Variants in GK observed in about 807,000 individuals in gnomAD.
GK encodes glycerol kinase.
GK carries 9 observed loss-of-function variants against 56.4 expected under a neutral mutation model. The ratio of observed to expected loss-of-function variants is 0.16; its 90% CI spans 0.10 to 0.28. The LOEUF is 0.28. Ranked by LOEUF, GK falls within the 10% of genes least tolerant of loss-of-function variation. GK has a pLI of 1.00. For synonymous variants in GK, 104 were observed against 144.1 expected, an observed-to-expected ratio of 0.72 and a Z score of 1.99; for missense variants, 161 against 431.4, an observed-to-expected ratio of 0.37 and a Z score of 5.55.
chrX:30,668,855 G>T (rs778342258), intron 3 of GK, among the ~76,000 whole-genome samples: 2 of 111,370 alleles, frequency 1.8e-5, no homozygotes, highest in South Asian at 7.6e-4. Context: ...GGCTGCTATG[G>T]AAGTCCTGAG....
At chrX:30,687,873 T>C (rs1202669196) in intron 4 of GK, among the ~76,000 whole-genome samples, 2 of 112,244 alleles carry the variant, frequency 1.8e-5, no homozygotes, top group Non-Finnish European at 3.8e-5. Context: ...ATTTTGAGCA[T>C]TTGTGAATTG....
intron 19 of GK, among the ~76,000 whole-genome samples, chrX:30,727,258 A>G (rs746507282): frequency 8.9e-6 from 1 of 112,709 alleles, no homozygotes; most frequent in East Asian, 2.8e-4. Flanking sequence ...GTGGCATGCT[A>G]TCTGTATTGT....
At chrX:30,722,706 A>C (rs1258887585) in intron 18 of GK, among the ~76,000 whole-genome samples, 1 of 112,009 alleles carries the variant, frequency 8.9e-6, no homozygotes, top group Non-Finnish European at 1.9e-5. Flanking sequence ...TTTGCCCTTC[A>C]GAAGATTAGA....
intron 10 of GK, 80 bp from the exon 11 acceptor site, chrX:30,700,758 A>AG: frequency 1.7e-6 from 1 of 587,889 alleles, no homozygotes; most frequent in Non-Finnish European, 2.6e-6. Flanking sequence ...ATAAAAAATG[A>AG]AAAATCCTAT....
At position 30,715,082 on chromosome X, in the gene GK, A is replaced by G. The variant is rs62588594; in HGVS notation, c.976-3456A>G. On this transcript the variant is annotated intron_variant, in intron 13 of 20. Coordinates refer to ENST00000427190, the MANE Select transcript of GK (RefSeq NM_001205019.2). ...TAGTATACACAAAACTGTGTTTGCT[A>G]TGCCTGATGAATGATTGTAAGCAAT... 7.1e-3 allele frequency among the ~76,000 whole-genome samples: 798 copies of G among 112,100 alleles called. 3 individuals carry two copies. The highest frequency in any genetic ancestry group is 0.019 in the Middle Eastern group (4 of 214).
chrX:30,667,193 A>G (rs1175239725), intron 2 of GK, among the ~76,000 whole-genome samples: 3 of 111,742 alleles, frequency 2.7e-5, no homozygotes, highest in Admixed American at 9.5e-5. Flanking sequence ...AAAATTAGTT[A>G]GAGACAGAAT....
At chrX:30,696,511 C>A in intron 7 of GK, 106 bp from the exon 8 acceptor site, 1 of 593,973 alleles carries the variant, frequency 1.7e-6, no homozygotes, top group Non-Finnish European at 2.8e-6. Flanking sequence ...TGCTCAAAAA[C>A]ATCCATTTCT....
At chrX:30,664,702 CTTTT>C (rs35313243) in intron 1 of GK, among the ~76,000 whole-genome samples, 2 of 57,675 alleles carry the variant, frequency 3.5e-5, no homozygotes, top group Non-Finnish European at 6.1e-5. Context: ...ACTCTATTGC[CTTTT>C]TTTTTTTTTT....
At position 30,718,437 on chromosome X, in the gene GK, T is replaced by C. The variant is rs1936735695; in HGVS notation, c.976-101T>C. 4 of 557,924 alleles carry C rather than the reference T, an allele frequency of 7.2e-6. No individual in the cohort carries two copies. In the East Asian group the frequency reaches 1.4e-4, roughly 20 times the overall value. 46.0% of individuals were successfully genotyped at this position (557,924 alleles called of 1,213,427 possible). On this transcript the variant is annotated intron_variant, in intron 13 of 20. Transcript: ENST00000427190. Reference sequence around the variant, plus strand: ...TTTGTCGGAGTCTCAAAATGGAAACTGAATTCTGTCCATCTGATTGTGTCA... The same window carrying C: ...TTTGTCGGAGTCTCAAAATGGAAACCGAATTCTGTCCATCTGATTGTGTCA...
chrX:30,724,695 T>G (rs1023723520), intron 19 of GK: 1 of 262,235 alleles, frequency 3.8e-6, no homozygotes, highest in South Asian at 4.0e-5. Flanking sequence ...TATAAATAGA[T>G]TGGGAAGTGC....
chrX:30,721,445 C>A lies in GK; in HGVS notation c.1501+450C>A, dbSNP rs1936898976. On this transcript the variant is annotated intron_variant, in intron 18 of 20. Transcript: ENST00000427190. Reference sequence around the variant, plus strand: ...TAGCTGGGACAACAGGTGCCCACCACTACGCCCGCCTAATTTTTTTTTTTT... The same window carrying A: ...TAGCTGGGACAACAGGTGCCCACCAATACGCCCGCCTAATTTTTTTTTTTT... 4 of 113,999 alleles carry A rather than the reference C, an allele frequency of 3.5e-5. No individual in the cohort carries two copies. In the South Asian group the frequency reaches 8.7e-4, roughly 25 times the overall value. The allele number at this position is 113,999 out of a possible 1,213,427, so 9.4% of individuals were successfully genotyped here.
At chrX:30,708,308 C>T (rs1374349933) in intron 13 of GK, among the ~76,000 whole-genome samples, 174 bp downstream of exon 13, 2 of 111,196 alleles carry the variant, frequency 1.8e-5, no homozygotes, top group East Asian at 5.6e-4. Context: ...TGTCAGGACT[C>T]ACAGGAGACC....
rs908043333 is a variant in GK, at chrX:30,690,922, G to A, written c.338-201G>A. 2.7e-5 allele frequency among the ~76,000 whole-genome samples: 3 copies of A among 111,903 alleles called. No individual in the cohort carries two copies. In the Admixed American group the frequency reaches 2.9e-4, roughly 11 times the overall value. On this transcript the variant is annotated intron_variant, in intron 4 of 20. Transcript: ENST00000427190. ...ACTTGGTCTGTAATTTTGCATAAAAGCTTTAAATCCTCTCATAAATTTATT... is the reference window on the plus strand; with the variant it reads ...ACTTGGTCTGTAATTTTGCATAAAAACTTTAAATCCTCTCATAAATTTATT...
At chrX:30,697,063 C>G (rs181546600) in intron 8 of GK, among the ~76,000 whole-genome samples, 1 of 112,581 alleles carries the variant, frequency 8.9e-6, no homozygotes, top group Admixed American at 9.4e-5. Context: ...TTTTTTATGG[C>G]CAAGCTATGT....
At chrX:30,726,800 G>A (rs1937156052) in intron 19 of GK, among the ~76,000 whole-genome samples, 1 of 111,342 alleles carries the variant, frequency 9.0e-6, no homozygotes, top group Non-Finnish European at 1.9e-5. Flanking sequence ...ATTGCTACCT[G>A]TATCTTAACC....
At chrX:30,675,723 GTCTT>G (rs1933845589) in intron 3 of GK, among the ~76,000 whole-genome samples, 1 of 108,536 alleles carries the variant, frequency 9.2e-6, no homozygotes, top group Non-Finnish European at 1.9e-5. Context: ...GCCCAGGCTG[GTCTT>G]GAACTCCTGG....
chrX:30,657,082 G>A (rs1486908866), intron 1 of GK, among the ~76,000 whole-genome samples: 6 of 112,076 alleles, frequency 5.4e-5, no homozygotes, highest in Admixed American at 1.9e-4. Flanking sequence ...AACTCCTGAC[G>A]TCGTGATCCA....
chrX:30,691,037 AG>A, intron 4 of GK, 85 bp from the exon 5 acceptor site: 1 of 535,548 alleles, frequency 1.9e-6, no homozygotes, highest in Non-Finnish European at 3.2e-6. Flanking sequence ...GAAACTAATC[AG>A]TCTTTTATCC....
Position 30,669,183 on chromosome X carries a change from G to GTT in GK, c.259+1080_259+1081dup, listed in dbSNP as rs138035890. Among the ~76,000 whole-genome samples, 53 of 96,245 alleles carry GTT rather than the reference G, an allele frequency of 5.5e-4. 1 individual carries two copies. The highest frequency in any genetic ancestry group is 4.0e-4 in the Non-Finnish European group (19 of 47,598). The allele number at this position is 96,245 out of a possible 115,157, so 83.6% of individuals were successfully genotyped here. A position where few individuals can be genotyped will look rare whatever the true frequency, so the allele number is the denominator to read the frequency against. On this transcript the variant is annotated intron_variant, in intron 3 of 20. Coordinates refer to ENST00000427190, the MANE Select transcript of GK (RefSeq NM_001205019.2). ...TGGATTTCTCTGAGAAGTCCTAGTA[G>GTT]TTTTTTTTTTTTTTTTGAGATGGAG...
Sources: allele counts gnomAD v4.1 joint callset (sites outside exome capture counted in the v4.1 genomes callset), GRCh38; gene constraint gnomAD v4.1.1; transcripts MANE v1.5; gene names NCBI Gene and HGNC (gene_info 2026-07-23, HGNC 2026-07-21).